The following GAP43 variants were observed in gnomAD, a reference collection of about 807,000 sequenced individuals.
The protein encoded by GAP43 is growth associated protein 43.
Under a neutral mutation model 18.6 loss-of-function variants are expected in GAP43, and 6 were observed. The observed-to-expected ratio is 0.32, with a 90% CI of 0.18 to 0.64. The LOEUF (loss-of-function observed/expected upper bound fraction) is 0.64, where lower values mean the gene tolerates loss of function less well. Ranked by LOEUF, GAP43 falls within the 30% of genes least tolerant of loss-of-function variation. The pLI is 0.78. For synonymous variants in GAP43, 115 were observed against 111.4 expected, an observed-to-expected ratio of 1.03 and a Z score of -0.20; for missense variants, 292 against 295.5, an observed-to-expected ratio of 0.99 and a Z score of 0.09.
At chr3:115,687,760 C>G (rs1261947318) in intron 2 of GAP43, among the ~76,000 whole-genome samples, 1 of 152,134 alleles carries the variant, frequency 6.6e-6, no homozygotes, top group Non-Finnish European at 1.5e-5. Flanking sequence ...CACATTTTAA[C>G]TAATAATAAT....
chr3:115,634,177 A>T (rs1708299633), intron 1 of GAP43, among the ~76,000 whole-genome samples: 2 of 152,118 alleles, frequency 1.3e-5, no homozygotes, highest in South Asian at 4.1e-4. Flanking sequence ...GAAAAAAAAT[A>T]AACAAAATGA....
chr3:115,653,025 G>T (rs1708541098), intron 1 of GAP43, among the ~76,000 whole-genome samples: 1 of 152,182 alleles, frequency 6.6e-6, no homozygotes, highest in Non-Finnish European at 1.5e-5. Flanking sequence ...AGTTAGGTTA[G>T]ACTAAGCAGA....
intron 1 of GAP43, among the ~76,000 whole-genome samples, chr3:115,666,367 CT>C (rs986440189): frequency 1.4e-4 from 22 of 152,226 alleles, no homozygotes; most frequent in African/African-American, 4.8e-4. Context: ...CTTTTCCACC[CT>C]CTGAGTGATG....
At chr3:115,683,145 GCGCACACACACACACA>G (rs1708982909) in intron 2 of GAP43, among the ~76,000 whole-genome samples, 3 of 105,486 alleles carry the variant, frequency 2.8e-5, no homozygotes, top group South Asian at 3.3e-4. Flanking sequence ...GCGCGCGCGC[GCGCACACACACACACA>G]CACACACACA....
intron 2 of GAP43, among the ~76,000 whole-genome samples, chr3:115,707,408 G>C (rs1226463964): frequency 5.3e-5 from 8 of 152,052 alleles, no homozygotes; most frequent in Admixed American, 5.2e-4. Context: ...TCTCACCTCA[G>C]CCTCCCAAGT....
chr3:115,676,099 G>A lies in GAP43; in HGVS notation c.117G>A (p.Gln39=). ...CTCATAAGGCCGCAACCAAAATTCA[G>A]GCTAGCTTCCGTGGACACATAACAA... is the stretch of plus-strand genomic sequence containing the variant. The part of the protein sequence containing the change: ...DKAHKAATKI[Q]ASFRGHITRK... Residue 39 remains glutamine (Q), a synonymous_variant, in exon 2 of 3, where the codon CAG becomes CAA. Transcript: ENST00000305124. The A allele has an allele frequency of 5.0e-6, 8 of 1,614,158 alleles. No homozygotes were observed. The highest frequency in any genetic ancestry group is 6.8e-6 in the Non-Finnish European group (8 of 1,180,050).
intron 1 of GAP43, among the ~76,000 whole-genome samples, chr3:115,672,204 C>T (rs1708821905): frequency 6.6e-6 from 1 of 152,172 alleles, no homozygotes; most frequent in Non-Finnish European, 1.5e-5. Context: ...CCCTCACTCG[C>T]TGTATGAATT....
intron 2 of GAP43, among the ~76,000 whole-genome samples, chr3:115,708,940 G>GTTTTTTTTTTTTTTTTT (rs3086974): frequency 1.3e-4 from 13 of 99,790 alleles, no homozygotes; most frequent in Middle Eastern, 5.6e-3. Flanking sequence ...AACTGGCTGG[G>GTTTTTTTTTTTTTTTTT]TTTTTTTTTT....
At chr3:115,702,646 G>A (rs1709310234) in intron 2 of GAP43, among the ~76,000 whole-genome samples, 1 of 152,062 alleles carries the variant, frequency 6.6e-6, no homozygotes, top group South Asian at 2.1e-4. Context: ...ATAGGAAGGA[G>A]TAGACAAGTT....
chr3:115,669,902 T>A (rs1708790680), intron 1 of GAP43, among the ~76,000 whole-genome samples: 1 of 151,746 alleles, frequency 6.6e-6, no homozygotes, highest in Non-Finnish European at 1.5e-5. Context: ...AGGTATGAGG[T>A]CTTCAAACCA....
chr3:115,703,511 T>C (rs577876023), intron 2 of GAP43, among the ~76,000 whole-genome samples: 6 of 152,224 alleles, frequency 3.9e-5, no homozygotes, highest in Non-Finnish European at 5.9e-5. Flanking sequence ...TGGGGTATCA[T>C]AGGGGATTCC....
chr3:115,710,545 T>A (rs1228192915), intron 2 of GAP43, among the ~76,000 whole-genome samples: 1 of 152,138 alleles, frequency 6.6e-6, no homozygotes, highest in Admixed American at 6.6e-5. Flanking sequence ...CTTATTCCAG[T>A]TTTTGTTTTA....
chr3:115,705,659 C>T lies in GAP43; in HGVS notation c.629-15135C>T, dbSNP rs117267507. Among the ~76,000 whole-genome samples the T allele has an allele frequency of 1.3e-4, 20 of 151,918 alleles. 1 individual carries two copies. The East Asian group carries it at 2.9e-3, about 22-fold the overall frequency. ...AAAAAACCCAAACTTTTGAAAAGGCCGGTACAATGCCTAAGCAATCATTCA... is the reference window on the plus strand; with the variant it reads ...AAAAAACCCAAACTTTTGAAAAGGCTGGTACAATGCCTAAGCAATCATTCA... On this transcript the variant is annotated intron_variant, in intron 2 of 2. Transcript: ENST00000305124.
intron 1 of GAP43, among the ~76,000 whole-genome samples, chr3:115,629,117 A>T (rs1261653923): frequency 2.0e-5 from 3 of 152,102 alleles, no homozygotes; most frequent in Admixed American, 2.0e-4. Context: ...TGATTCCTTG[A>T]TTCTTGTTTA....
chr3:115,668,249 C>T (rs1201585600), intron 1 of GAP43, among the ~76,000 whole-genome samples: 1 of 152,144 alleles, frequency 6.6e-6, no homozygotes, highest in African/African-American at 2.4e-5. Context: ...CGTGCCTCAT[C>T]GCAACACTGG....
intron 2 of GAP43, among the ~76,000 whole-genome samples, chr3:115,688,803 C>T (rs908212645): frequency 2.0e-5 from 3 of 152,340 alleles, no homozygotes; most frequent in Admixed American, 2.0e-4. Context: ...TGAAAAACCA[C>T]TCATACAAAG....
chr3:115,648,382 C>T (rs151124603), intron 1 of GAP43, among the ~76,000 whole-genome samples: 57 of 152,184 alleles, frequency 3.7e-4, no homozygotes, highest in African/African-American at 1.3e-3. Context: ...CAGCATTGAA[C>T]TCCATTGTCC....
chr3:115,660,221 C>T (rs555177863), intron 1 of GAP43, among the ~76,000 whole-genome samples: 5 of 152,184 alleles, frequency 3.3e-5, no homozygotes, highest in Admixed American at 6.5e-5. Context: ...GGCTGGCCAG[C>T]GGAGAAGTTT....
intron 2 of GAP43, among the ~76,000 whole-genome samples, chr3:115,709,844 C>CATAT (rs149885836): frequency 0.062 from 9,112 of 147,902 alleles, 287 homozygotes; most frequent in South Asian, 0.098. Flanking sequence ...CATGAACATA[C>CATAT]ATATATATAT....
Sources: allele counts gnomAD v4.1 joint callset (sites outside exome capture counted in the v4.1 genomes callset), GRCh38; gene constraint gnomAD v4.1.1; transcripts MANE v1.5; gene names NCBI Gene and HGNC (gene_info 2026-07-23, HGNC 2026-07-21).